Variants in EIF3D observed in about 807,000 individuals in gnomAD.
EIF3D encodes the protein eIF3 p66.
EIF3D carries 10 observed loss-of-function variants against 75.4 expected under a neutral mutation model. The ratio of observed to expected loss-of-function variants is 0.13; its 90% CI spans 0.08 to 0.22. The LOEUF is 0.22. Among genes scored for constraint, EIF3D ranks in the 10% least tolerant of loss-of-function variants. EIF3D has a pLI of 1.00. For synonymous variants in EIF3D, 246 were observed against 248.3 expected, an observed-to-expected ratio of 0.99 and a Z score of 0.09; for missense variants, 394 against 708.0, an observed-to-expected ratio of 0.56 and a Z score of 5.03.
At chr22:36,521,606 A>G (rs1339573061) in intron 6 of EIF3D, among the ~76,000 whole-genome samples, 3 of 151,834 alleles carry the variant, frequency 2.0e-5, no homozygotes, top group Non-Finnish European at 4.4e-5. Context: ...AATTCAAAGG[A>G]CTCTTATTTG....
At chr22:36,525,730 CAG>C in intron 2 of EIF3D, 21 bp from the exon 3 acceptor site, 2 of 1,610,486 alleles carry the variant, frequency 1.2e-6, no homozygotes, top group Non-Finnish European at 1.7e-6. Flanking sequence ...CAAGAAAAGA[CAG>C]AGAATGCACA....
rs765560023 is a variant in EIF3D at position 36,519,483 on chromosome 22, C to T, written c.633G>A (p.Thr211=). ...TGCTCCGCAGTGGCTTCTCACTCCTCGTGGTGATGCGGTCAAAGGCTTTGT... is the reference window on the plus strand; with the variant it reads ...TGCTCCGCAGTGGCTTCTCACTCCTTGTGGTGATGCGGTCAAAGGCTTTGT... ...YYDKAFDRIT[T]RSEKPLRSIK... is the part of the protein sequence containing the mutation. The change falls in exon 8 of 15, where the codon ACG becomes ACA. Residue 211 remains threonine (T), a synonymous_variant. Transcript: ENST00000216190. The T allele has an allele frequency of 7.4e-6, 12 of 1,614,150 alleles. No individual in the cohort carries two copies. The East Asian group carries it at 8.9e-5, about 12-fold the overall frequency.
intron 14 of EIF3D, 23 bp downstream of exon 14, chr22:36,511,480 T>G (rs1347850142): frequency 5.6e-6 from 9 of 1,613,060 alleles, no homozygotes; most frequent in Non-Finnish European, 7.6e-6. Flanking sequence ...ACTCTAGACC[T>G]CAGAAAGTGG....
chr22:36,524,443 G>A (rs1178764825), intron 4 of EIF3D, among the ~76,000 whole-genome samples, 153 bp downstream of exon 4: 3 of 152,122 alleles, frequency 2.0e-5, no homozygotes, highest in Non-Finnish European at 2.9e-5. Context: ...GTTCACCTTG[G>A]TACCACTTGT....
chr22:36,523,757 G>T, intron 5 of EIF3D, 138 bp downstream of exon 5: 1 of 797,046 alleles, frequency 1.3e-6, no homozygotes, highest in Non-Finnish European at 2.1e-6. Flanking sequence ...AGCTAAAAGG[G>T]GGCTTAACTG....
chr22:36,523,754 A>T, intron 5 of EIF3D, 141 bp downstream of exon 5: 1 of 778,500 alleles, frequency 1.3e-6, no homozygotes, highest in Non-Finnish European at 2.2e-6. Context: ...ACAAGCTAAA[A>T]GGGGGCTTAA....
chr22:36,514,851 G>A (rs1294023821), intron 12 of EIF3D, among the ~76,000 whole-genome samples: 1 of 152,196 alleles, frequency 6.6e-6, no homozygotes, highest in South Asian at 2.1e-4. Context: ...ATGTCAAATT[G>A]TAAACTCCAA....
chr22:36,526,108 A>G lies in EIF3D; in HGVS notation c.14T>C (p.Met5Thr). 1.2e-6 allele frequency: 2 copies of G among 1,606,380 alleles called. No homozygotes were observed. The highest frequency in any genetic ancestry group is 1.1e-5 in the South Asian group (1 of 90,036). Residue 5 changes from methionine (M) to threonine (T), a missense_variant, in exon 2 of 15, where the codon ATG (methionine) becomes ACG (threonine). Transcript: ENST00000216190. MAKF[M>T]TPVIQDNPSG... Reference sequence around the variant, plus strand: ...GGGGTTGTCCTGGATCACGGGTGTCATGAACTTTGCCATCTTCCAAAATCT... The same window carrying G: ...GGGGTTGTCCTGGATCACGGGTGTCGTGAACTTTGCCATCTTCCAAAATCT...
intron 3 of EIF3D, 75 bp from the exon 4 acceptor site, chr22:36,524,807 C>T: frequency 6.3e-7 from 1 of 1,594,596 alleles, no homozygotes. Flanking sequence ...TAAAGCCTTG[C>T]TATTTCAAGT....
At chr22:36,523,610 A>AC (rs978955142) in intron 5 of EIF3D, among the ~76,000 whole-genome samples, 1 of 152,116 alleles carries the variant, frequency 6.6e-6, no homozygotes, top group African/African-American at 2.4e-5. Context: ...CCTAGAGTTG[A>AC]CCCACAGCAG....
At chr22:36,518,277 G>A (rs1379255887) in intron 9 of EIF3D, among the ~76,000 whole-genome samples, 1 of 151,796 alleles carries the variant, frequency 6.6e-6, no homozygotes, top group Non-Finnish European at 1.5e-5. Context: ...GATCACTTGA[G>A]GCCAGGAGTT....
Position 36,529,082 on chromosome 22 carries a change from T to C in EIF3D, c.-17A>G, listed in dbSNP as rs1052038939. ...TATGAAACACGCCGCTCACCTGCAA[T>C]GGCCTCGGCCGGCCGGGATGGCAAC... On this transcript the variant is annotated 5_prime_UTR_variant, in exon 1 of 15. Coordinates refer to ENST00000216190, the MANE Select transcript of EIF3D (RefSeq NM_003753.4). The C allele has an allele frequency of 4.3e-5, 17 of 391,704 alleles. No individual in the cohort carries two copies. Among genetic ancestry groups the C allele is most frequent in the Admixed American group, 2.7e-4 (6 of 22,490 alleles). 24.3% of individuals were successfully genotyped at this position (391,704 alleles called of 1,614,324 possible).
At chr22:36,520,543 G>T in intron 7 of EIF3D, 33 bp downstream of exon 7, 1 of 1,450,552 alleles carries the variant, frequency 6.9e-7, no homozygotes, top group Non-Finnish European at 9.7e-7. Context: ...ACACATAAGA[G>T]CAGTGTAGAA....
chr22:36,520,839 G>A (rs949354482), intron 6 of EIF3D, 151 bp from the exon 7 acceptor site: 7 of 561,540 alleles, frequency 1.2e-5, no homozygotes, highest in Admixed American at 3.1e-5. Context: ...ATGATTGCTT[G>A]AGCCCAGGAG....
intron 13 of EIF3D, among the ~76,000 whole-genome samples, chr22:36,512,234 G>A (rs1303484776): frequency 6.6e-6 from 1 of 152,168 alleles, no homozygotes; most frequent in African/African-American, 2.4e-5. Flanking sequence ...CGTCTTCTGA[G>A]TTCTCAGTTC....
intron 12 of EIF3D, among the ~76,000 whole-genome samples, chr22:36,515,192 C>T (rs1471150175): frequency 1.3e-5 from 2 of 152,226 alleles, no homozygotes; most frequent in Non-Finnish European, 2.9e-5. Flanking sequence ...GGACCAAGCA[C>T]ACAGCACTGG....
At chr22:36,522,269 A>G (rs548842344) in intron 6 of EIF3D, among the ~76,000 whole-genome samples, 1 of 152,278 alleles carries the variant, frequency 6.6e-6, no homozygotes, top group Admixed American at 6.5e-5. Context: ...TAGGAGGATC[A>G]CTTGAACCCA....
chr22:36,518,440 G>C (rs1317235140), intron 9 of EIF3D, among the ~76,000 whole-genome samples: 1 of 151,274 alleles, frequency 6.6e-6, no homozygotes, highest in Non-Finnish European at 1.5e-5. Flanking sequence ...AGTGAGCCAA[G>C]ACTGCGCCAC....
At chr22:36,520,797 G>A (rs530534397) in intron 6 of EIF3D, 109 bp from the exon 7 acceptor site, 6 of 675,480 alleles carry the variant, frequency 8.9e-6, no homozygotes, top group East Asian at 2.9e-5. Context: ...GCTCATGCCT[G>A]TAGTCCCAGC....
Sources: allele counts gnomAD v4.1 joint callset (sites outside exome capture counted in the v4.1 genomes callset), GRCh38; gene constraint gnomAD v4.1.1; transcripts MANE v1.5; gene names NCBI Gene and HGNC (gene_info 2026-07-23, HGNC 2026-07-21).